The following IGF1R variants were observed in gnomAD, a reference collection of about 807,000 sequenced individuals.
IGF1R encodes insulin like growth factor 1 receptor.
A neutral mutation model predicts 144.6 loss-of-function variants in IGF1R; 44 were observed. The observed-to-expected ratio is 0.30, with a 90% CI of 0.24 to 0.39. IGF1R has a LOEUF of 0.39. Ranked by LOEUF, IGF1R falls within the 10% of genes least tolerant of loss-of-function variation. The pLI, the probability that IGF1R is intolerant of heterozygous loss-of-function variation, is 1.00. For synonymous variants in IGF1R, 795 were observed against 722.8 expected, an observed-to-expected ratio of 1.10 and a Z score of -1.60; for missense variants, 1,355 against 1,833.7, an observed-to-expected ratio of 0.74 and a Z score of 4.77.
chr15:98,811,703 G>A (rs1230776484), intron 2 of IGF1R, among the ~76,000 whole-genome samples: 1 of 151,892 alleles, frequency 6.6e-6, no homozygotes, highest in Admixed American at 6.6e-5. Flanking sequence ...GAGGCGGGCG[G>A]ATCACGAGGT....
At chr15:98,841,785 CAGG>C (rs1596349693) in intron 2 of IGF1R, among the ~76,000 whole-genome samples, 1 of 152,312 alleles carries the variant, frequency 6.6e-6, no homozygotes, top group East Asian at 1.9e-4. Context: ...GCTGCACGGG[CAGG>C]AGGAGCTGTG....
At chr15:98,710,343 G>T (rs76160896) in intron 2 of IGF1R, among the ~76,000 whole-genome samples, 4,811 of 152,206 alleles carry the variant, frequency 0.032, 94 homozygotes, top group East Asian at 0.056. Flanking sequence ...TCAGGCATGG[G>T]CATATTTCTT....
At chr15:98,943,166 T>C in intron 19 of IGF1R, 114 bp downstream of exon 19, 1 of 1,236,374 alleles carries the variant, frequency 8.1e-7, no homozygotes, top group South Asian at 1.2e-5. Flanking sequence ...TTGCCAGCTT[T>C]AGCTCAGTGT....
At chr15:98,938,697 A>G (rs2016250219) in intron 17 of IGF1R, among the ~76,000 whole-genome samples, 2 of 152,230 alleles carry the variant, frequency 1.3e-5, no homozygotes, top group African/African-American at 4.8e-5. Context: ...AGGGAAAGAA[A>G]AGGATTAAAT....
At chr15:98,855,823 C>T (rs2011779648) in intron 2 of IGF1R, among the ~76,000 whole-genome samples, 1 of 152,192 alleles carries the variant, frequency 6.6e-6, no homozygotes, top group African/African-American at 2.4e-5. Context: ...TGCTAAAGCA[C>T]TGTGTTTTTA....
At chr15:98,825,099 A>C (rs901790018) in intron 2 of IGF1R, among the ~76,000 whole-genome samples, 2 of 152,108 alleles carry the variant, frequency 1.3e-5, no homozygotes, top group Non-Finnish European at 2.9e-5. Context: ...TTGACCTCCC[A>C]AAGTGCTGGG....
chr15:98,849,579 A>G (rs1363166022), intron 2 of IGF1R, among the ~76,000 whole-genome samples: 1 of 152,242 alleles, frequency 6.6e-6, no homozygotes, highest in Non-Finnish European at 1.5e-5. Context: ...TTAAATTACA[A>G]AAAAACTTTC....
chr15:98,718,111 G>A (rs933144019), intron 2 of IGF1R, among the ~76,000 whole-genome samples: 5 of 152,164 alleles, frequency 3.3e-5, no homozygotes, highest in East Asian at 1.9e-4. Flanking sequence ...TCTTCCTTCC[G>A]TTCAAGGGGA....
At chr15:98,703,872 A>G (rs912349313) in intron 1 of IGF1R, among the ~76,000 whole-genome samples, 4 of 152,242 alleles carry the variant, frequency 2.6e-5, no homozygotes, top group African/African-American at 7.2e-5. Context: ...TAACAAGTAA[A>G]TAGATGCCTA....
At chr15:98,684,264 T>C (rs547420548) in intron 1 of IGF1R, among the ~76,000 whole-genome samples, 1 of 149,528 alleles carries the variant, frequency 6.7e-6, no homozygotes, top group African/African-American at 2.5e-5. Flanking sequence ...CAGCCTCTGA[T>C]AGATCTTAAA....
At position 98,750,322 on chromosome 15, in the gene IGF1R, A is replaced by AG. The variant is rs772387951; in HGVS notation, c.640+42215_640+42216insG. ...CCCTGAGACTTTGTGGGTCACAGGC[A>AG]AGGGGGCTGGCCTCCCTGATCAAGG... On this transcript the variant is annotated intron_variant, in intron 2 of 20. Transcript: ENST00000650285. Among the ~76,000 whole-genome samples the AG allele has an allele frequency of 5.1e-3, 772 of 152,180 alleles. 6 individuals are homozygous for AG. Among genetic ancestry groups the AG allele is most frequent in the African/African-American group, 0.014 (569 of 41,536 alleles).
chr15:98,718,415 A>G (rs1567092983), intron 2 of IGF1R, among the ~76,000 whole-genome samples: 1 of 152,228 alleles, frequency 6.6e-6, no homozygotes, highest in African/African-American at 2.4e-5. Flanking sequence ...GCAAGTCCTA[A>G]TGAAGGGACC....
At chr15:98,928,640 G>C (rs2015819108) in intron 13 of IGF1R, among the ~76,000 whole-genome samples, 1 of 152,186 alleles carries the variant, frequency 6.6e-6, no homozygotes, top group Non-Finnish European at 1.5e-5. Flanking sequence ...CCCTTGGGGA[G>C]GTTCCCTCGA....
chr15:98,744,686 G>C (rs1046870210), intron 2 of IGF1R, among the ~76,000 whole-genome samples: 16 of 152,300 alleles, frequency 1.1e-4, no homozygotes, highest in Admixed American at 8.5e-4. Context: ...CCAAAGCACA[G>C]ATGGAGGGAT....
chr15:98,963,023 G>A lies in IGF1R; in HGVS notation c.*5581G>A, dbSNP rs1363845200. The A allele has an allele frequency of 8.6e-6, 2 of 233,496 alleles. No individual in the cohort carries two copies. Among genetic ancestry groups the A allele is most frequent in the African/African-American group, 4.4e-5 (2 of 45,318 alleles). 14.5% of individuals were successfully genotyped at this position (233,496 alleles called of 1,614,324 possible). On this transcript the variant is annotated 3_prime_UTR_variant, in exon 21 of 21. Coordinates refer to ENST00000650285, the MANE Select transcript of IGF1R (RefSeq NM_000875.5). ...TAGTCACTCATTAGCGTTTTCAATA[G>A]GGCTCTTAAGTCCAGTAGATTACGG...
intron 20 of IGF1R, among the ~76,000 whole-genome samples, chr15:98,952,260 C>T (rs2016804470): frequency 6.6e-5 from 10 of 151,188 alleles, no homozygotes; most frequent in Admixed American, 6.6e-4. Context: ...GGGGAGAGGA[C>T]CACTGGGGAT....
chr15:98,720,321 C>T (rs2054217435), intron 2 of IGF1R, among the ~76,000 whole-genome samples: 1 of 152,192 alleles, frequency 6.6e-6, no homozygotes, highest in South Asian at 2.1e-4. Context: ...GCAGAAAGCA[C>T]GATCTGGCCT....
At chr15:98,777,304 A>G (rs1177283864) in intron 2 of IGF1R, among the ~76,000 whole-genome samples, 1 of 152,200 alleles carries the variant, frequency 6.6e-6, no homozygotes, top group Admixed American at 6.5e-5. Context: ...TGTGACCTGG[A>G]ACTTGGTTAA....
rs143010383 is a variant in IGF1R at position 98,701,128 on chromosome 15, C to T, written c.95-6434C>T. ...GGAGTAAAGAACTACTATAGTATGC[C>T]GCTTACTGAGACAAAACCGACTTCT... On this transcript the variant is annotated intron_variant, in intron 1 of 20. Coordinates refer to ENST00000650285, the MANE Select transcript of IGF1R (RefSeq NM_000875.5). 1.3e-3 allele frequency among the ~76,000 whole-genome samples: 202 copies of T among 151,938 alleles called. 3 individuals carry two copies. In the East Asian group the frequency reaches 0.023, roughly 17 times the overall value.
Sources: allele counts gnomAD v4.1 joint callset (sites outside exome capture counted in the v4.1 genomes callset), GRCh38; gene constraint gnomAD v4.1.1; transcripts MANE v1.5; gene names NCBI Gene and HGNC (gene_info 2026-07-23, HGNC 2026-07-21).